The following GPC5 variants were observed in gnomAD, a reference collection of about 807,000 sequenced individuals.
The protein encoded by GPC5 is glypican-5.
In GPC5, 47 loss-of-function variants were observed where a neutral mutation model predicts 53.9. The ratio of observed to expected loss-of-function variants is 0.87; its 90% CI spans 0.69 to 1.11. The LOEUF is 1.11. GPC5 is among the 50% of genes most tolerant of loss of function. The pLI is 0.00. For missense variants in GPC5, 748 were observed against 713.1 expected, an observed-to-expected ratio of 1.05 and a Z score of -0.56; for synonymous variants, 286 against 263.3, an observed-to-expected ratio of 1.09 and a Z score of -0.84.
At chr13:92,762,682 C>T (rs886498158) in intron 7 of GPC5, among the ~76,000 whole-genome samples, 3 of 152,076 alleles carry the variant, frequency 2.0e-5, no homozygotes, top group African/African-American at 7.2e-5. Flanking sequence ...ATCTTTGTCT[C>T]TTCTCACGAA....
At chr13:91,907,503 T>TC (rs2039566577) in intron 5 of GPC5, among the ~76,000 whole-genome samples, 1 of 129,554 alleles carries the variant, frequency 7.7e-6, no homozygotes, top group Non-Finnish European at 1.6e-5. Context: ...CTCTCTCTCT[T>TC]TATATATATA....
intron 7 of GPC5, among the ~76,000 whole-genome samples, chr13:92,752,342 C>A (rs1007589316): frequency 6.6e-6 from 1 of 152,108 alleles, no homozygotes; most frequent in East Asian, 1.9e-4. Context: ...TCTTCAGAAC[C>A]AATGCTTTAG....
intron 7 of GPC5, among the ~76,000 whole-genome samples, chr13:92,736,807 A>T (rs1283385008): frequency 1.3e-5 from 2 of 148,854 alleles, no homozygotes; most frequent in East Asian, 2.0e-4. Flanking sequence ...GCTGTAGCCT[A>T]TTTTTTTTTT....
At chr13:91,830,882 T>C (rs1184357149) in intron 5 of GPC5, among the ~76,000 whole-genome samples, 1 of 135,492 alleles carries the variant, frequency 7.4e-6, no homozygotes, top group African/African-American at 2.8e-5. Flanking sequence ...TATATCCTAT[T>C]ATATATAATA....
intron 7 of GPC5, among the ~76,000 whole-genome samples, chr13:92,439,204 A>T (rs1005337963): frequency 1.3e-5 from 2 of 152,146 alleles, no homozygotes; most frequent in African/African-American, 2.4e-5. Context: ...AGAAGAAATA[A>T]CTCCCATATC....
intron 7 of GPC5, among the ~76,000 whole-genome samples, chr13:92,594,866 G>A (rs1465359524): frequency 1.3e-5 from 2 of 152,122 alleles, no homozygotes; most frequent in Non-Finnish European, 1.5e-5. Flanking sequence ...ACTTCACCCA[G>A]TACATCTTAT....
intron 6 of GPC5, among the ~76,000 whole-genome samples, chr13:92,078,910 T>TAGG (rs2041273405): frequency 6.6e-6 from 1 of 152,218 alleles, no homozygotes; most frequent in Non-Finnish European, 1.5e-5. Flanking sequence ...GTCCACCTTT[T>TAGG]TGTCAATACA....
At chr13:92,707,029 C>G (rs1887975600) in intron 7 of GPC5, among the ~76,000 whole-genome samples, 1 of 152,102 alleles carries the variant, frequency 6.6e-6, no homozygotes, top group African/African-American at 2.4e-5. Flanking sequence ...AAGGACACGG[C>G]CAGGAAGAAG....
intron 5 of GPC5, among the ~76,000 whole-genome samples, chr13:91,842,609 G>A (rs1189214677): frequency 6.8e-6 from 1 of 147,734 alleles, no homozygotes; most frequent in East Asian, 2.0e-4. Flanking sequence ...GGCTGAGGCA[G>A]GAGAATGGCA....
intron 7 of GPC5, among the ~76,000 whole-genome samples, chr13:92,168,774 C>A (rs575411043): frequency 6.6e-6 from 1 of 152,268 alleles, no homozygotes; most frequent in African/African-American, 2.4e-5. Context: ...GACAGTGTGG[C>A]AGTTCCTCAG....
At chr13:92,067,695 T>C (rs768012251) in intron 6 of GPC5, among the ~76,000 whole-genome samples, 4 of 151,998 alleles carry the variant, frequency 2.6e-5, no homozygotes, top group Non-Finnish European at 5.9e-5. Context: ...ATGAAAGCAA[T>C]TTTAAAATAG....
At chr13:92,347,898 TATAATA>T (rs1160500769) in intron 7 of GPC5, among the ~76,000 whole-genome samples, 1 of 12,202 alleles carries the variant, frequency 8.2e-5, no homozygotes, top group African/African-American at 9.2e-4. Flanking sequence ...ATATTATATA[TATAATA>T]TATATATAAT....
intron 5 of GPC5, among the ~76,000 whole-genome samples, chr13:91,857,304 A>G (rs2038977441): frequency 6.6e-6 from 1 of 151,416 alleles, no homozygotes. Context: ...CTTGAAATTA[A>G]TCTAATAACC....
At chr13:91,845,222 A>G (rs2038834917) in intron 5 of GPC5, among the ~76,000 whole-genome samples, 1 of 152,048 alleles carries the variant, frequency 6.6e-6, no homozygotes, top group African/African-American at 2.4e-5. Flanking sequence ...GTATAGTGCA[A>G]CTTTTTAATT....
chr13:92,202,352 A>T (rs2042301406), intron 7 of GPC5, among the ~76,000 whole-genome samples: 1 of 152,260 alleles, frequency 6.6e-6, no homozygotes, highest in Non-Finnish European at 1.5e-5. Flanking sequence ...TGTTATTTTG[A>T]TTAGTGTTTA....
chr13:91,407,809 C>T (rs1877436979), intron 1 of GPC5, among the ~76,000 whole-genome samples: 1 of 152,110 alleles, frequency 6.6e-6, no homozygotes, highest in Non-Finnish European at 1.5e-5. Flanking sequence ...CAAATAATTG[C>T]TATTAAATCA....
At chr13:91,738,815 C>G (rs1388491090) in intron 4 of GPC5, among the ~76,000 whole-genome samples, 1 of 151,084 alleles carries the variant, frequency 6.6e-6, no homozygotes, top group Admixed American at 6.6e-5. Context: ...TTTTTTTATG[C>G]TATTTTACCA....
intron 6 of GPC5, among the ~76,000 whole-genome samples, chr13:91,954,180 CT>C (rs1331020962): frequency 1.3e-5 from 2 of 152,088 alleles, no homozygotes; most frequent in African/African-American, 4.8e-5. Flanking sequence ...TGACATCGTT[CT>C]CATACCAAGT....
chr13:91,954,025 A>T lies in GPC5; in HGVS notation c.1401+45968A>T, dbSNP rs538058395. Among the ~76,000 whole-genome samples, 6 of 152,338 alleles carry T rather than the reference A, an allele frequency of 3.9e-5. No individual in the cohort carries two copies. In the South Asian group the frequency reaches 1.2e-3, roughly 32 times the overall value. On this transcript the variant is annotated intron_variant, in intron 6 of 7. Coordinates refer to ENST00000377067, the MANE Select transcript of GPC5 (RefSeq NM_004466.6). The stretch of plus-strand genomic sequence containing the variant: ...CACATCAAGAAATTTTTAGGAAAAA[A>T]AACTTTCTTATGTTGACAAAAAATT...
Sources: gnomAD v4.1 joint callset for allele counts (sites outside exome capture counted in the v4.1 genomes callset) on GRCh38, gnomAD v4.1.1 for gene constraint, MANE v1.5 for transcripts, NCBI Gene and HGNC (gene_info 2026-07-23, HGNC 2026-07-21) for gene names.